ZNF280D: variants seen among roughly 807,000 people sequenced by gnomAD.
The protein encoded by ZNF280D is suppressor of hairy wing homolog 4.
A neutral mutation model predicts 94.7 loss-of-function variants in ZNF280D; 39 were observed. The observed-to-expected ratio is 0.41, with a 90% CI of 0.32 to 0.54. The LOEUF (loss-of-function observed/expected upper bound fraction) is 0.54, where lower values mean the gene tolerates loss of function less well. Among genes scored for constraint, ZNF280D ranks in the 20% least tolerant of loss-of-function variants. The probability of loss-of-function intolerance (pLI) is 0.22; values close to 1 mark genes in which losing one functional copy is unlikely to be tolerated. For missense variants in ZNF280D, 1,090 were observed against 1,149.3 expected, an observed-to-expected ratio of 0.95 and a Z score of 0.75; for synonymous variants, 398 against 377.6, an observed-to-expected ratio of 1.05 and a Z score of -0.63.
At chr15:56,653,235 G>A in intron 19 of ZNF280D, 1 of 1,136,382 alleles carries the variant, frequency 8.8e-7, no homozygotes, top group Non-Finnish European at 1.1e-6. Context: ...TTTAAAGGCA[G>A]CAGCCAAAAT....
intron 19 of ZNF280D, among the ~76,000 whole-genome samples, chr15:56,649,994 CA>C (rs527456817): frequency 2.0e-5 from 3 of 151,436 alleles, no homozygotes; most frequent in African/African-American, 4.9e-5. Context: ...CAGCATTTCA[CA>C]AAAAAAATCC....
chr15:56,661,582 T>C (rs867402577), intron 16 of ZNF280D, among the ~76,000 whole-genome samples: 13 of 152,202 alleles, frequency 8.5e-5, no homozygotes, highest in African/African-American at 3.1e-4. Flanking sequence ...ACTAGCTTTC[T>C]TTTTCCTTGG....
In ZNF280D at chr15:56,684,952, T is replaced by C. The variant is rs549451079; in HGVS notation, c.781-2475A>G. Among the ~76,000 whole-genome samples, 35 of 152,170 alleles carry C rather than the reference T, an allele frequency of 2.3e-4. No homozygotes were observed. In the South Asian group the frequency reaches 3.1e-3, roughly 14 times the overall value. On this transcript the variant is annotated intron_variant, in intron 9 of 21. Transcript: ENST00000267807. ...TATAAAATTATCAGTCTTCAAAACA[T>C]AAAGAATGTAGACAACCAAAAAGCT...
chr15:56,729,136 A>G (rs1432232806), intron 1 of ZNF280D, among the ~76,000 whole-genome samples: 1 of 151,294 alleles, frequency 6.6e-6, no homozygotes, highest in East Asian at 1.9e-4. Flanking sequence ...ACAGGTGACA[A>G]TGAAATATGA....
At chr15:56,645,349 CAA>C (rs1260845978) in intron 19 of ZNF280D, 1 of 152,120 alleles carries the variant, frequency 6.6e-6, no homozygotes, top group East Asian at 1.9e-4. Context: ...AATTTCAATG[CAA>C]AGAGAACAGG....
chr15:56,719,730 C>T (rs1431170498), intron 1 of ZNF280D, among the ~76,000 whole-genome samples: 1 of 151,884 alleles, frequency 6.6e-6, no homozygotes, highest in Non-Finnish European at 1.5e-5. Flanking sequence ...CAGACCACCA[C>T]AATAAAGTGA....
chr15:56,653,992 C>A, intron 19 of ZNF280D: 2 of 1,429,568 alleles, frequency 1.4e-6, no homozygotes, highest in Non-Finnish European at 1.8e-6. Flanking sequence ...CATCTCAGAA[C>A]TTTGAACTTA....
chr15:56,711,055 C>A (rs1190243660), intron 1 of ZNF280D, among the ~76,000 whole-genome samples: 1 of 152,156 alleles, frequency 6.6e-6, no homozygotes, highest in Non-Finnish European at 1.5e-5. Context: ...AGCTCAAAAT[C>A]TATTGTATAC....
At chr15:56,719,998 GGTA>G (rs1348698242) in intron 1 of ZNF280D, among the ~76,000 whole-genome samples, 52 of 152,098 alleles carry the variant, frequency 3.4e-4, no homozygotes, top group African/African-American at 1.2e-3. Flanking sequence ...GACTAATCAG[GGTA>G]GTGGCTGGCT....
chr15:56,702,713 C>T (rs2057155837), intron 4 of ZNF280D, among the ~76,000 whole-genome samples: 1 of 152,098 alleles, frequency 6.6e-6, no homozygotes, highest in Non-Finnish European at 1.5e-5. Flanking sequence ...CCAAGTGGCA[C>T]TCCACTTAGC....
At chr15:56,723,174 C>T (rs896780541) in intron 1 of ZNF280D, among the ~76,000 whole-genome samples, 3 of 151,578 alleles carry the variant, frequency 2.0e-5, no homozygotes, top group Admixed American at 6.6e-5. Flanking sequence ...CACATGTATA[C>T]GTATGTAACT....
intron 6 of ZNF280D, chr15:56,700,591 C>G: frequency 8.7e-7 from 1 of 1,143,910 alleles, no homozygotes; most frequent in Non-Finnish European, 1.1e-6. Flanking sequence ...GACTGTTTTC[C>G]CAATTAAGAA....
At chr15:56,669,962 TTA>T (rs1316137590) in intron 13 of ZNF280D, among the ~76,000 whole-genome samples, 51 of 812 alleles carry the variant, frequency 0.063, 10 homozygotes, top group South Asian at 0.35. Flanking sequence ...TATATATATA[TTA>T]TATATATATA....
chr15:56,704,411 A>G, intron 3 of ZNF280D, 144 bp from the exon 4 acceptor site: 1 of 771,994 alleles, frequency 1.3e-6, no homozygotes, highest in Non-Finnish European at 2.0e-6. Flanking sequence ...AGTATGTGGT[A>G]ACAACAGTGA....
Position 56,710,037 on chromosome 15 carries a change from G to A in ZNF280D, c.-85-2731C>T, listed in dbSNP as rs200454307. 3.9e-4 allele frequency among the ~76,000 whole-genome samples: 60 copies of A among 152,314 alleles called. 1 individual carries two copies. In the East Asian group the frequency reaches 7.1e-3, roughly 18 times the overall value. On this transcript the variant is annotated intron_variant, in intron 1 of 21. Transcript: ENST00000267807. ...TAAATAAATAAATACTAAATCTGCT[G>A]CCAGAGAATACATCCAACAAAGATG...
chr15:56,699,257 C>A (rs369553724), intron 6 of ZNF280D: 1 of 461,846 alleles, frequency 2.2e-6, no homozygotes, highest in East Asian at 1.5e-4. Context: ...TGTGGGCTCT[C>A]CTATAGTTAT....
chr15:56,651,583 G>C (rs1241589045), intron 19 of ZNF280D, among the ~76,000 whole-genome samples: 1 of 152,092 alleles, frequency 6.6e-6, no homozygotes, highest in African/African-American at 2.4e-5. Flanking sequence ...AAGCAGTACA[G>C]TCATTCCCTG....
intron 13 of ZNF280D, 34 bp from the exon 14 acceptor site, chr15:56,668,991 T>C (rs367881098): frequency 1.3e-6 from 2 of 1,585,618 alleles, no homozygotes; most frequent in African/African-American, 2.7e-5. Context: ...GGGGGAAAAA[T>C]AATTTCAAAA....
intron 1 of ZNF280D, among the ~76,000 whole-genome samples, chr15:56,724,024 G>C (rs1175545198): frequency 2.0e-5 from 3 of 152,134 alleles, no homozygotes; most frequent in African/African-American, 7.2e-5. Context: ...TCATGTGGCT[G>C]ACTGGTAGCT....
Sources: gnomAD v4.1 joint callset for allele counts (sites outside exome capture counted in the v4.1 genomes callset) on GRCh38, gnomAD v4.1.1 for gene constraint, MANE v1.5 for transcripts, NCBI Gene and HGNC (gene_info 2026-07-23, HGNC 2026-07-21) for gene names.